The following PTPRD variants were observed in gnomAD, a reference collection of about 807,000 sequenced individuals.
PTPRD encodes the protein protein tyrosine phosphatase receptor type D, also known as receptor-type tyrosine-protein phosphatase delta.
A neutral mutation model predicts 214.5 loss-of-function variants in PTPRD; 34 were observed. The observed-to-expected ratio is 0.16, with a 90% CI of 0.12 to 0.21. The LOEUF (loss-of-function observed/expected upper bound fraction) is 0.21, where lower values mean the gene tolerates loss of function less well. PTPRD is among the 10% of genes least tolerant of loss of function. The pLI, the probability that PTPRD is intolerant of heterozygous loss-of-function variation, is 1.00. For missense variants in PTPRD, 2,545 were observed against 2,398.7 expected (o/e 1.06, Z -1.27); for synonymous variants, 1,128 against 845.7 (o/e 1.33, Z -5.79).
intron 14 of PTPRD, among the ~76,000 whole-genome samples, chr9:8,579,096 A>T (rs2154249090): frequency 6.6e-6 from 1 of 152,352 alleles, no homozygotes; most frequent in African/African-American, 2.4e-5. Context: ...TGATTAATAA[A>T]TCATAGCAAA....
At chr9:9,447,532 G>C (rs1445104549) in intron 8 of PTPRD, among the ~76,000 whole-genome samples, 1 of 152,080 alleles carries the variant, frequency 6.6e-6, no homozygotes. Context: ...AAGTAAGAGG[G>C]AGGAAGGAGA....
At chr9:9,621,500 C>T (rs138252021) in intron 7 of PTPRD, among the ~76,000 whole-genome samples, 21 of 152,232 alleles carry the variant, frequency 1.4e-4, no homozygotes, top group Admixed American at 3.3e-4. Flanking sequence ...AAATTATTAC[C>T]AAAACAACTT....
At chr9:9,694,944 T>G (rs2097343705) in intron 7 of PTPRD, among the ~76,000 whole-genome samples, 1 of 152,132 alleles carries the variant, frequency 6.6e-6, no homozygotes, top group Non-Finnish European at 1.5e-5. Flanking sequence ...GCCTGCTTGT[T>G]GCTCTACCCT....
intron 11 of PTPRD, among the ~76,000 whole-genome samples, chr9:8,927,474 C>T (rs997260300): frequency 2.6e-5 from 4 of 152,010 alleles, no homozygotes; most frequent in African/African-American, 9.7e-5. Flanking sequence ...TTTCCTGTTC[C>T]TGTGTTAGTT....
chr9:9,717,116 C>T (rs1345636636), intron 7 of PTPRD, among the ~76,000 whole-genome samples: 3 of 151,894 alleles, frequency 2.0e-5, no homozygotes, highest in Non-Finnish European at 4.4e-5. Flanking sequence ...GAATCCTTTC[C>T]CCATTGCTTG....
chr9:9,099,317 T>TAG (rs1236998923), intron 10 of PTPRD, among the ~76,000 whole-genome samples: 1 of 152,200 alleles, frequency 6.6e-6, no homozygotes, highest in Non-Finnish European at 1.5e-5. Flanking sequence ...TCTATAAATA[T>TAG]ATACAGAGAG....
chr9:8,323,164 C>G (rs376580888), intron 44 of PTPRD, among the ~76,000 whole-genome samples: 4 of 152,130 alleles, frequency 2.6e-5, no homozygotes, highest in African/African-American at 9.7e-5. Context: ...TTTAAGGCCA[C>G]TCTTGAGACC....
chr9:9,521,280 C>A (rs548611199), intron 8 of PTPRD, among the ~76,000 whole-genome samples: 1 of 152,238 alleles, frequency 6.6e-6, no homozygotes, highest in African/African-American at 2.4e-5. Flanking sequence ...CTCTCAATTT[C>A]GTGGTCTGCA....
At chr9:10,168,227 TAAC>T (rs2099171193) in intron 3 of PTPRD, among the ~76,000 whole-genome samples, 1 of 152,222 alleles carries the variant, frequency 6.6e-6, no homozygotes, top group South Asian at 2.1e-4. Context: ...AAATCTAGTT[TAAC>T]ATTATAATTT....
intron 2 of PTPRD, among the ~76,000 whole-genome samples, chr9:10,564,142 G>T (rs925869923): frequency 8.2e-6 from 1 of 122,078 alleles, no homozygotes; most frequent in Non-Finnish European, 1.8e-5. Context: ...GGGACTACTC[G>T]GGAGTGTGCA....
At chr9:9,608,413 A>C (rs1418450459) in intron 7 of PTPRD, among the ~76,000 whole-genome samples, 2 of 152,150 alleles carry the variant, frequency 1.3e-5, no homozygotes, top group Admixed American at 1.3e-4. Flanking sequence ...GCTGTCCAGT[A>C]AGGGAAAATT....
intron 39 of PTPRD, among the ~76,000 whole-genome samples, chr9:8,365,717 T>C (rs1187909758): frequency 6.6e-6 from 1 of 152,188 alleles, no homozygotes; most frequent in Admixed American, 6.5e-5. Context: ...TGACTTGTTT[T>C]AAACCAAGGA....
At chr9:8,431,986 A>G (rs923854544) in intron 35 of PTPRD, among the ~76,000 whole-genome samples, 2 of 152,210 alleles carry the variant, frequency 1.3e-5, no homozygotes, top group Admixed American at 6.5e-5. Context: ...TACGCTATTA[A>G]TTACTGCCTC....
chr9:9,842,437 TAGC>T (rs2058565353), intron 5 of PTPRD, among the ~76,000 whole-genome samples: 1 of 151,500 alleles, frequency 6.6e-6, no homozygotes, highest in East Asian at 1.9e-4. Context: ...ATAATATTGA[TAGC>T]TATTAACCAA....
chr9:10,508,673 T>C (rs1321437861), intron 2 of PTPRD, among the ~76,000 whole-genome samples: 1 of 152,120 alleles, frequency 6.6e-6, no homozygotes, highest in East Asian at 1.9e-4. Flanking sequence ...GAAACCATCA[T>C]TCTCAGCAAA....
chr9:9,698,027 G>A (rs1180250241), intron 7 of PTPRD, among the ~76,000 whole-genome samples: 1 of 152,076 alleles, frequency 6.6e-6, no homozygotes. Context: ...AAATTTCCCT[G>A]ATAAATTTTT....
chr9:9,561,887 T>G (rs977918894), intron 8 of PTPRD, among the ~76,000 whole-genome samples: 32 of 152,210 alleles, frequency 2.1e-4, no homozygotes, highest in Admixed American at 1.8e-3. Flanking sequence ...CTTAGACATT[T>G]TCTCTCTATG....
intron 7 of PTPRD, among the ~76,000 whole-genome samples, chr9:9,697,393 G>T (rs1251412559): frequency 6.6e-6 from 1 of 151,998 alleles, no homozygotes; most frequent in Non-Finnish European, 1.5e-5. Flanking sequence ...CCCATCTTTT[G>T]TTTCTCTGGG....
At chr9:10,224,806 C>A (rs2099583474) in intron 3 of PTPRD, among the ~76,000 whole-genome samples, 1 of 151,960 alleles carries the variant, frequency 6.6e-6, no homozygotes, top group South Asian at 2.1e-4. Context: ...AGGATGAAGA[C>A]CTTTATGATG....
Sources: gnomAD v4.1 joint callset for allele counts (sites outside exome capture counted in the v4.1 genomes callset) on GRCh38, gnomAD v4.1.1 for gene constraint, MANE v1.5 for transcripts, NCBI Gene and HGNC (gene_info 2026-07-23, HGNC 2026-07-21) for gene names.